PTPRE: variants seen among roughly 807,000 people sequenced by gnomAD.
The protein encoded by PTPRE is receptor-type tyrosine-protein phosphatase epsilon.
A neutral mutation model predicts 102.0 loss-of-function variants in PTPRE; 51 were observed. That is an observed-to-expected ratio of 0.50 (90% CI 0.40 to 0.63). The LOEUF is 0.63. Among genes scored for constraint, PTPRE ranks in the 30% least tolerant of loss-of-function variants. The pLI, the probability that PTPRE is intolerant of heterozygous loss-of-function variation, is 0.00. For synonymous variants in PTPRE, 345 were observed against 348.2 expected (o/e 0.99, Z 0.10); for missense variants, 752 against 915.1 (o/e 0.82, Z 2.30).
rs914577759 is a variant in PTPRE, at chr10:127,907,683, G to A, written c.-31+374G>A. On this transcript the variant is annotated intron_variant, in intron 1 of 20. Coordinates refer to ENST00000254667, the MANE Select transcript of PTPRE (RefSeq NM_006504.6). This position sits in a 1 kb window ranked among gnomAD's most constrained non-coding sequence, Gnocchi z 4.8. ...CGTGAAAGCGGGCGACACAGAGAGG[G>A]GGTGCAGGCCGCGCGTGGGGGGCTG... is the stretch of plus-strand genomic sequence containing the variant. Among the ~76,000 whole-genome samples, 1 of 152,164 alleles carries A rather than the reference G, an allele frequency of 6.6e-6. No homozygotes were observed. Among genetic ancestry groups the A allele is most frequent in the Non-Finnish European group, 1.5e-5 (1 of 68,018 alleles).
rs1211415915 is a variant in PTPRE at position 128,066,063 on chromosome 10, T to C, written c.724-12T>C. Reference sequence around the variant, plus strand: ...ACAGATCTATTTGCTTCTATTAAATTGTTCCGTGCAGGAAAAGTGCCATCA... The same window carrying C: ...ACAGATCTATTTGCTTCTATTAAATCGTTCCGTGCAGGAAAAGTGCCATCA... On this transcript the variant is annotated splice_polypyrimidine_tract_variant and intron_variant, in intron 10 of 20. Coordinates refer to ENST00000254667, the MANE Select transcript of PTPRE (RefSeq NM_006504.6). 1 of 1,614,144 alleles carries C rather than the reference T, an allele frequency of 6.2e-7. No homozygotes were observed. The highest frequency in any genetic ancestry group is 8.5e-7 in the Non-Finnish European group (1 of 1,180,014).
chr10:127,918,297 G>T (rs1253888476), intron 1 of PTPRE, among the ~76,000 whole-genome samples: 2 of 152,024 alleles, frequency 1.3e-5, no homozygotes, highest in Non-Finnish European at 2.9e-5. Context: ...AGTGGCTCAC[G>T]CCTGTAATAC....
intron 2 of PTPRE, among the ~76,000 whole-genome samples, chr10:128,015,040 A>T (rs189028269): frequency 2.0e-5 from 3 of 152,280 alleles, no homozygotes; most frequent in Admixed American, 2.0e-4. Flanking sequence ...GATTCTAAAT[A>T]TTTCAAACTA....
chr10:127,948,969 C>T (rs1454077516), intron 1 of PTPRE, among the ~76,000 whole-genome samples: 3 of 152,184 alleles, frequency 2.0e-5, no homozygotes, highest in Non-Finnish European at 4.4e-5. Context: ...GTGACTGTGT[C>T]GATCTGTCTG....
intron 8 of PTPRE, 142 bp from the exon 9 acceptor site, chr10:128,061,537 G>C: frequency 9.6e-7 from 1 of 1,046,000 alleles, no homozygotes; most frequent in South Asian, 1.6e-5. Flanking sequence ...TTGCTGGTGA[G>C]TTTTCTTTCC....
At chr10:127,978,337 G>C (rs569050121) in intron 1 of PTPRE, among the ~76,000 whole-genome samples, 17 of 151,890 alleles carry the variant, frequency 1.1e-4, no homozygotes, top group African/African-American at 3.6e-4. Context: ...CCAGGAGTTC[G>C]AGACCAGTCT....
chr10:127,945,572 G>T (rs1261668370), intron 1 of PTPRE, among the ~76,000 whole-genome samples: 1 of 152,240 alleles, frequency 6.6e-6, no homozygotes, highest in Non-Finnish European at 1.5e-5. Context: ...GTTTGGCAGT[G>T]ATCCAAAGAC....
At chr10:127,971,644 C>T (rs1850746971) in intron 1 of PTPRE, among the ~76,000 whole-genome samples, 1 of 152,220 alleles carries the variant, frequency 6.6e-6, no homozygotes, top group Admixed American at 6.5e-5. Context: ...AGTGCTTGCC[C>T]CTCACAAGGC....
intron 15 of PTPRE, 141 bp from the exon 16 acceptor site, chr10:128,071,997 A>G (rs1342751553): frequency 8.0e-6 from 5 of 624,918 alleles, no homozygotes; most frequent in African/African-American, 1.9e-5. Context: ...ATCGTCTCTC[A>G]TAACGTAAAC....
chr10:127,930,524 G>A (rs1387487751), intron 1 of PTPRE, among the ~76,000 whole-genome samples: 4 of 152,216 alleles, frequency 2.6e-5, no homozygotes, highest in Non-Finnish European at 4.4e-5. Context: ...CCAGTTGGGG[G>A]ACATTTGGGT....
Position 127,907,921 on chromosome 10 carries a change from C to A in PTPRE, c.-31+612C>A, listed in dbSNP as rs1303150425. On this transcript the variant is annotated intron_variant, in intron 1 of 20. Transcript: ENST00000254667. The surrounding 1 kb of genome is among the most constrained non-coding windows in gnomAD (Gnocchi z 4.8). The stretch of plus-strand genomic sequence containing the variant: ...GCAGGTGGTCCAGGCTGGACTGCCG[C>A]GATTTGCAGGGTCGACGACCTCACA... Among the ~76,000 whole-genome samples, 1 of 152,152 alleles carries A rather than the reference C, an allele frequency of 6.6e-6. No individual in the cohort carries two copies. Among genetic ancestry groups the A allele is most frequent in the African/African-American group, 2.4e-5 (1 of 41,450 alleles).
chr10:128,028,158 T>A lies in PTPRE; in HGVS notation c.-7-12717T>A, dbSNP rs1324372780. Among the ~76,000 whole-genome samples the A allele has an allele frequency of 6.6e-6, 1 of 152,202 alleles. No individual in the cohort carries two copies. The highest frequency in any genetic ancestry group is 1.5e-5 in the Non-Finnish European group (1 of 68,038). ...CTTCGCCAGCCTGCGGCAGACACATTATTCACAGAACTTTCTCCAAAGGAG... is the reference window on the plus strand; with the variant it reads ...CTTCGCCAGCCTGCGGCAGACACATAATTCACAGAACTTTCTCCAAAGGAG... On this transcript the variant is annotated intron_variant, in intron 2 of 20. Transcript: ENST00000254667. The surrounding 1 kb of genome is among the most constrained non-coding windows in gnomAD (Gnocchi z 4.5).
At position 128,023,830 on chromosome 10, in the gene PTPRE, C is replaced by T. The variant is rs1002667750; in HGVS notation, c.-7-17045C>T. On this transcript the variant is annotated intron_variant, in intron 2 of 20. Coordinates refer to ENST00000254667, the MANE Select transcript of PTPRE (RefSeq NM_006504.6). ...GGTTAACCTTGCTGTCTTCAGGGCA[C>T]GCTTTCGTGATCATAAATAGTCTAC... Among the ~76,000 whole-genome samples, 16 of 152,298 alleles carry T rather than the reference C, an allele frequency of 1.1e-4. 1 individual carries two copies. Among genetic ancestry groups the T allele is most frequent in the African/African-American group, 2.9e-4 (12 of 41,574 alleles).
chr10:127,966,993 G>A (rs1326326670), intron 1 of PTPRE, among the ~76,000 whole-genome samples: 1 of 152,210 alleles, frequency 6.6e-6, no homozygotes, highest in African/African-American at 2.4e-5. Flanking sequence ...GGCTTGCTCT[G>A]TAAGAGATAA....
In PTPRE at chr10:128,008,769, A is replaced by G. The variant is rs1844730452; in HGVS notation, c.-8+26473A>G. On this transcript the variant is annotated intron_variant, in intron 2 of 20. Transcript: ENST00000254667. This position sits in a 1 kb window ranked among gnomAD's most constrained non-coding sequence, Gnocchi z 4.0. ...CCTTTCTCAGAAGCACATCAGCTGAATAAATGCACCAAAGCCTCCAGGCAT... is the reference window on the plus strand; with the variant it reads ...CCTTTCTCAGAAGCACATCAGCTGAGTAAATGCACCAAAGCCTCCAGGCAT... Among the ~76,000 whole-genome samples the G allele has an allele frequency of 6.6e-6, 1 of 152,190 alleles. No individual in the cohort carries two copies. Among genetic ancestry groups the G allele is most frequent in the Non-Finnish European group, 1.5e-5 (1 of 68,030 alleles).
intron 17 of PTPRE, among the ~76,000 whole-genome samples, chr10:128,076,072 G>A (rs780974445): frequency 2.6e-5 from 4 of 152,210 alleles, no homozygotes; most frequent in East Asian, 1.9e-4. Flanking sequence ...TTGTTGCATC[G>A]TGATTGGTTA....
At chr10:127,941,491 C>T (rs570411515) in intron 1 of PTPRE, among the ~76,000 whole-genome samples, 3 of 152,334 alleles carry the variant, frequency 2.0e-5, no homozygotes, top group South Asian at 2.1e-4. Context: ...AGGCTCAGCC[C>T]GCTGTGGGCT....
rs544049323 is a variant in PTPRE at position 127,965,392 on chromosome 10, G to T, written c.-30-16882G>T. ...CCCTGTGGAAATGTGAAAAAAGCCT[G>T]GATCCCATATACATCCATTCCACCT... On this transcript the variant is annotated intron_variant, in intron 1 of 20. Coordinates refer to ENST00000254667, the MANE Select transcript of PTPRE (RefSeq NM_006504.6). 3.3e-5 allele frequency among the ~76,000 whole-genome samples: 5 copies of T among 151,846 alleles called. No individual in the cohort carries two copies. In the East Asian group the frequency reaches 9.7e-4, roughly 29 times the overall value.
chr10:128,041,998 C>T (rs1022611563), intron 3 of PTPRE, among the ~76,000 whole-genome samples: 11 of 152,154 alleles, frequency 7.2e-5, no homozygotes, highest in Non-Finnish European at 2.9e-5. Flanking sequence ...CAGTTCTGAG[C>T]GCCCACCTGT....
Sources: gnomAD v4.1 joint callset for allele counts (sites outside exome capture counted in the v4.1 genomes callset) on GRCh38, gnomAD v4.1.1 for gene constraint, Gnocchi (gnomAD v3.1) non-coding constraint, MANE v1.5 for transcripts, NCBI Gene and HGNC (gene_info 2026-07-23, HGNC 2026-07-21) for gene names.